SLC23A2: variants seen among roughly 807,000 people sequenced by gnomAD.
SLC23A2 encodes solute carrier family 23 member 2.
Under a neutral mutation model 73.3 loss-of-function variants are expected in SLC23A2, and 36 were observed. The observed-to-expected ratio is 0.49, with a 90% confidence interval of 0.38 to 0.65. The LOEUF is 0.65. SLC23A2 is among the 30% of genes least tolerant of loss of function. The pLI is 0.00. For missense variants in SLC23A2, 507 were observed against 841.6 expected, an observed-to-expected ratio of 0.60 and a Z score of 4.92; for synonymous variants, 343 against 327.3, an observed-to-expected ratio of 1.05 and a Z score of -0.52.
At chr20:4,967,443 T>C (rs1056823357) in intron 2 of SLC23A2, among the ~76,000 whole-genome samples, 1 of 152,222 alleles carries the variant, frequency 6.6e-6, no homozygotes, top group African/African-American at 2.4e-5. Context: ...TCATAGTAAC[T>C]GTTACACAAC....
chr20:4,979,090 C>T (rs905803926), intron 1 of SLC23A2, among the ~76,000 whole-genome samples: 7 of 152,000 alleles, frequency 4.6e-5, no homozygotes, highest in Admixed American at 1.3e-4. Flanking sequence ...GTCAGGAGTT[C>T]GAGACCAGCC....
intron 2 of SLC23A2, among the ~76,000 whole-genome samples, chr20:4,949,138 A>C (rs921993992): frequency 6.6e-6 from 1 of 152,032 alleles, no homozygotes; most frequent in African/African-American, 2.4e-5. Context: ...ATAGAAAAAA[A>C]GTAGCCAGGC....
chr20:4,894,820 T>A (rs1276320951), intron 6 of SLC23A2, among the ~76,000 whole-genome samples: 1 of 152,254 alleles, frequency 6.6e-6, no homozygotes, highest in Non-Finnish European at 1.5e-5. Flanking sequence ...CCTTCATGGG[T>A]TTCCCATCAA....
At chr20:4,884,060 A>G (rs968194341) in intron 8 of SLC23A2, among the ~76,000 whole-genome samples, 2 of 152,224 alleles carry the variant, frequency 1.3e-5, no homozygotes, top group Non-Finnish European at 2.9e-5. Context: ...CACACGGCCC[A>G]CATGCCTTTT....
chr20:4,925,927 C>T (rs1359465119), intron 3 of SLC23A2, among the ~76,000 whole-genome samples: 3 of 152,248 alleles, frequency 2.0e-5, no homozygotes, highest in East Asian at 3.8e-4. Flanking sequence ...TATCACAGCA[C>T]CCGTGCAGAA....
At chr20:4,926,444 G>A (rs376231178) in intron 3 of SLC23A2, among the ~76,000 whole-genome samples, 16 of 151,404 alleles carry the variant, frequency 1.1e-4, no homozygotes, top group East Asian at 3.9e-4. Context: ...TTTTCTGGCC[G>A]TGCTTCCTGT....
At chr20:4,919,241 C>T (rs1456906085) in intron 3 of SLC23A2, among the ~76,000 whole-genome samples, 2 of 152,182 alleles carry the variant, frequency 1.3e-5, no homozygotes, top group Admixed American at 6.5e-5. Flanking sequence ...TGGCTGATGC[C>T]GCAAAGCCTC....
intron 8 of SLC23A2, among the ~76,000 whole-genome samples, chr20:4,884,490 G>A (rs1309483762): frequency 2.0e-5 from 3 of 152,236 alleles, no homozygotes; most frequent in Non-Finnish European, 4.4e-5. Flanking sequence ...ACCTCAGCTA[G>A]CTGTGCTGGC....
intron 1 of SLC23A2, among the ~76,000 whole-genome samples, chr20:4,989,753 TG>T (rs893857099): frequency 1.3e-5 from 2 of 152,130 alleles, no homozygotes; most frequent in African/African-American, 4.8e-5. Flanking sequence ...TTTCCACTCG[TG>T]GCATCCTGTC....
At chr20:4,925,915 A>G (rs552042131) in intron 3 of SLC23A2, among the ~76,000 whole-genome samples, 1 of 152,312 alleles carries the variant, frequency 6.6e-6, no homozygotes, top group African/African-American at 2.4e-5. Context: ...TCACGTGGAC[A>G]CTATCACAGC....
chr20:4,945,702 A>T (rs1272362299), intron 2 of SLC23A2, among the ~76,000 whole-genome samples: 2 of 152,204 alleles, frequency 1.3e-5, no homozygotes, highest in Non-Finnish European at 2.9e-5. Context: ...ACTTCAGAGC[A>T]TATCTCAAAA....
At chr20:5,002,413 T>C (rs1015690435), upstream of SLC23A2, among the ~76,000 whole-genome samples, 1 of 152,190 alleles carries the variant, frequency 6.6e-6, no homozygotes. Context: ...TTCTAATAAT[T>C]AGTACTTTCT....
Position 4,899,010 on chromosome 20 carries a change from G to A in SLC23A2, c.482+545C>T, listed in dbSNP as rs1931649182. Among the ~76,000 whole-genome samples the A allele has an allele frequency of 6.6e-6, 1 of 152,210 alleles. No individual in the cohort carries two copies. Among genetic ancestry groups the A allele is most frequent in the South Asian group, 2.1e-4 (1 of 4,836 alleles). On this transcript the variant is annotated intron_variant, in intron 6 of 16. Coordinates refer to ENST00000338244, the MANE Select transcript of SLC23A2 (RefSeq NM_005116.6). This position sits in a 1 kb window ranked among gnomAD's most constrained non-coding sequence, Gnocchi z 4.9. ...CTTGGGAGTGAGGCCAGGGAAGGCAGGAGACAGGGCTCAGAGGCATGGCTG... is the reference window on the plus strand; with the variant it reads ...CTTGGGAGTGAGGCCAGGGAAGGCAAGAGACAGGGCTCAGAGGCATGGCTG...
chr20:4,855,473 C>T lies in SLC23A2; in HGVS notation c.*1499G>A, dbSNP rs1929680741. On this transcript the variant is annotated 3_prime_UTR_variant, in exon 17 of 17. Transcript: ENST00000338244. ...GGCCTTTTCCTTCACTGAAAAACTT[C>T]AAACCAAACCAAGAGGAGTCATTTC... 6.6e-6 allele frequency: 1 copy of T among 152,204 alleles called. No individual in the cohort carries two copies. The highest frequency in any genetic ancestry group is 1.5e-5 in the Non-Finnish European group (1 of 68,036). The allele number at this position is 152,204 out of a possible 1,614,324, so 9.4% of individuals were successfully genotyped here.
upstream of SLC23A2, among the ~76,000 whole-genome samples, chr20:5,003,527 T>A (rs2088157496): frequency 6.6e-6 from 1 of 152,046 alleles, no homozygotes. Context: ...TTTTTTTTTT[T>A]TTAATACGAT....
intron 2 of SLC23A2, among the ~76,000 whole-genome samples, chr20:4,939,208 C>T (rs1337812732): frequency 1.3e-5 from 2 of 152,342 alleles, no homozygotes; most frequent in East Asian, 3.9e-4. Flanking sequence ...CTTACCTCCA[C>T]CCCTGGTGCT....
At chr20:4,945,663 TA>T (rs1266930461) in intron 2 of SLC23A2, among the ~76,000 whole-genome samples, 1 of 152,174 alleles carries the variant, frequency 6.6e-6, no homozygotes, top group Non-Finnish European at 1.5e-5. Context: ...CCAGAATTTT[TA>T]AAACAATGGC....
At chr20:5,003,203 G>A (rs1453195524), upstream of SLC23A2, among the ~76,000 whole-genome samples, 1 of 152,116 alleles carries the variant, frequency 6.6e-6, no homozygotes, top group Admixed American at 6.5e-5. Flanking sequence ...CAAACACGGT[G>A]AAACCCCGTC....
At chr20:4,908,226 C>T (rs1384970875) in intron 4 of SLC23A2, among the ~76,000 whole-genome samples, 1 of 152,144 alleles carries the variant, frequency 6.6e-6, no homozygotes, top group African/African-American at 2.4e-5. Context: ...CCAGGAAAAA[C>T]TGGCCCAGAA....
Sources: allele counts gnomAD v4.1 joint callset (sites outside exome capture counted in the v4.1 genomes callset), GRCh38; gene constraint gnomAD v4.1.1; non-coding constraint Gnocchi (gnomAD v3.1); transcripts MANE v1.5; gene names NCBI Gene and HGNC (gene_info 2026-07-23, HGNC 2026-07-21).